Variants in CDH13 observed in about 807,000 individuals in gnomAD.
The protein encoded by CDH13 is cadherin 13.
In CDH13, 24 loss-of-function variants were observed where a neutral mutation model predicts 63.8. The ratio of observed to expected loss-of-function variants is 0.38; its 90% CI spans 0.27 to 0.53. CDH13 has a LOEUF of 0.53. Among genes scored for constraint, CDH13 ranks in the 20% least tolerant of loss-of-function variants. The probability of loss-of-function intolerance (pLI) is 0.85; values close to 1 mark genes in which losing one functional copy is unlikely to be tolerated. For synonymous variants in CDH13, 503 were observed against 355.3 expected (o/e 1.42, Z -4.67); for missense variants, 1,049 against 903.1 (o/e 1.16, Z -2.07).
intron 3 of CDH13, among the ~76,000 whole-genome samples, chr16:83,063,538 G>C (rs572114291): frequency 6.6e-6 from 1 of 152,310 alleles, no homozygotes; most frequent in South Asian, 2.1e-4. Flanking sequence ...AATAGAGATG[G>C]ACAGAGATGA....
intron 8 of CDH13, among the ~76,000 whole-genome samples, chr16:83,656,388 G>A (rs1567488323): frequency 1.3e-5 from 2 of 152,158 alleles, no homozygotes; most frequent in South Asian, 2.1e-4. Context: ...TAAGTTTGAG[G>A]TGCCTGTTAG....
intron 6 of CDH13, among the ~76,000 whole-genome samples, chr16:83,407,866 A>G (rs531165533): frequency 1.5e-4 from 23 of 152,254 alleles, no homozygotes; most frequent in Non-Finnish European, 2.9e-4. Flanking sequence ...TCGACTCACA[A>G]ATGTATAACT....
At chr16:82,716,169 G>T (rs576470186) in intron 1 of CDH13, among the ~76,000 whole-genome samples, 1 of 152,164 alleles carries the variant, frequency 6.6e-6, no homozygotes, top group African/African-American at 2.4e-5. Context: ...TCAATCCCCC[G>T]AGGAGCCTGG....
chr16:83,260,678 G>T (rs943976825), intron 5 of CDH13, among the ~76,000 whole-genome samples: 51 of 152,304 alleles, frequency 3.3e-4, no homozygotes, highest in African/African-American at 1.2e-3. Flanking sequence ...AAAATGCAAA[G>T]TTGGAACCTT....
intron 5 of CDH13, among the ~76,000 whole-genome samples, chr16:83,254,687 T>A (rs1381262859): frequency 6.6e-6 from 1 of 152,214 alleles, no homozygotes; most frequent in African/African-American, 2.4e-5. Context: ...TAAATAAATT[T>A]TTAAAAAGTT....
chr16:83,781,952 A>C (rs1468818799), intron 12 of CDH13, among the ~76,000 whole-genome samples: 1 of 152,016 alleles, frequency 6.6e-6, no homozygotes, highest in Non-Finnish European at 1.5e-5. Context: ...AAGAAAAAAA[A>C]AAAGATTGTA....
At chr16:83,096,767 C>T (rs1390652303) in intron 3 of CDH13, among the ~76,000 whole-genome samples, 1 of 152,130 alleles carries the variant, frequency 6.6e-6, no homozygotes, top group East Asian at 1.9e-4. Flanking sequence ...TTCATTTTTA[C>T]TTCTGATCAA....
chr16:83,238,539 C>T (rs530157843), intron 5 of CDH13, among the ~76,000 whole-genome samples: 1 of 152,132 alleles, frequency 6.6e-6, no homozygotes, highest in Non-Finnish European at 1.5e-5. Context: ...GATGGGATTT[C>T]TTGTAGGACT....
At chr16:83,401,354 A>G (rs1188965854) in intron 6 of CDH13, among the ~76,000 whole-genome samples, 3 of 151,380 alleles carry the variant, frequency 2.0e-5, no homozygotes, top group Non-Finnish European at 2.9e-5. Context: ...AAAAAAAAGA[A>G]AAAAGATTAT....
chr16:83,512,086 C>T (rs1035360543), intron 7 of CDH13, among the ~76,000 whole-genome samples: 15 of 151,960 alleles, frequency 9.9e-5, no homozygotes, highest in African/African-American at 3.4e-4. Flanking sequence ...CTTTGGGAGG[C>T]CGAGGCGGGC....
At chr16:83,343,040 C>G (rs1173779300) in intron 5 of CDH13, among the ~76,000 whole-genome samples, 2 of 151,658 alleles carry the variant, frequency 1.3e-5, no homozygotes, top group African/African-American at 2.4e-5. Context: ...TGTGAGATCT[C>G]CTTTGTGTGC....
intron 12 of CDH13, among the ~76,000 whole-genome samples, chr16:83,781,930 A>T (rs892989064): frequency 1.4e-5 from 2 of 146,118 alleles, no homozygotes; most frequent in South Asian, 2.2e-4. Context: ...AACTTCAATT[A>T]AAAAAAAAAA....
At chr16:83,511,608 CAT>C (rs2074567918) in intron 7 of CDH13, among the ~76,000 whole-genome samples, 1 of 152,086 alleles carries the variant, frequency 6.6e-6, no homozygotes, top group Admixed American at 6.5e-5. Flanking sequence ...ACCATACAAA[CAT>C]ATTTATTATG....
chr16:82,697,076 G>A (rs575354195), intron 1 of CDH13, among the ~76,000 whole-genome samples: 1 of 152,300 alleles, frequency 6.6e-6, no homozygotes, highest in African/African-American at 2.4e-5. Context: ...AATTTTGGAT[G>A]TCATATATTG....
chr16:82,808,609 T>C (rs984730452), intron 1 of CDH13, among the ~76,000 whole-genome samples: 1 of 152,152 alleles, frequency 6.6e-6, no homozygotes, highest in African/African-American at 2.4e-5. Context: ...AAAATAGTTA[T>C]TTATTTTTTC....
intron 1 of CDH13, among the ~76,000 whole-genome samples, chr16:82,797,773 C>CTGTGTG (rs1567545844): frequency 1.1e-5 from 1 of 88,092 alleles, no homozygotes; most frequent in African/African-American, 4.1e-5. Context: ...GACTTTAGGG[C>CTGTGTG]CGTGTGTGTG....
intron 2 of CDH13, among the ~76,000 whole-genome samples, chr16:82,977,939 G>A (rs1007071425): frequency 6.6e-6 from 1 of 152,196 alleles, no homozygotes; most frequent in African/African-American, 2.4e-5. Flanking sequence ...CCAAAATGCT[G>A]ATAGTGATAT....
intron 6 of CDH13, among the ~76,000 whole-genome samples, chr16:83,377,654 G>A (rs986409261): frequency 2.6e-5 from 4 of 152,204 alleles, no homozygotes; most frequent in African/African-American, 9.7e-5. Flanking sequence ...GAGACACTTT[G>A]CAAGGCTCCA....
At chr16:83,493,909 T>C (rs2074076594) in intron 7 of CDH13, among the ~76,000 whole-genome samples, 1 of 152,200 alleles carries the variant, frequency 6.6e-6, no homozygotes, top group Non-Finnish European at 1.5e-5. Context: ...ATTTCTAGCC[T>C]GATGGAGATA....
Sources: gnomAD v4.1 joint callset for allele counts (sites outside exome capture counted in the v4.1 genomes callset) on GRCh38, gnomAD v4.1.1 for gene constraint, MANE v1.5 for transcripts, NCBI Gene and HGNC (gene_info 2026-07-23, HGNC 2026-07-21) for gene names.